Variants in SHBG observed in about 807,000 individuals in gnomAD.
SHBG encodes sex hormone-binding globulin.
In SHBG, 37 loss-of-function variants were observed where a neutral mutation model predicts 41.9. The ratio of observed to expected loss-of-function variants is 0.88; its 90% CI spans 0.68 to 1.16. The LOEUF (loss-of-function observed/expected upper bound fraction) is 1.16. Ranked by LOEUF, SHBG falls within the 50% of genes most tolerant of loss-of-function variation. SHBG has a pLI of 0.00. For missense variants in SHBG, 466 were observed against 499.9 expected, an observed-to-expected ratio of 0.93 and a Z score of 0.65; for synonymous variants, 217 against 205.8, an observed-to-expected ratio of 1.05 and a Z score of -0.47.
chr17:7,614,581 C>T, intron 1 of SHBG: 1 of 1,262,246 alleles, frequency 7.9e-7, no homozygotes, highest in Non-Finnish European at 1.0e-6. Context: ...CAGCAGCAGT[C>T]TGAGTGCGGG....
upstream of SHBG, chr17:7,627,762 G>A (rs758152648): frequency 2.8e-6 from 3 of 1,081,946 alleles, no homozygotes; most frequent in East Asian, 2.5e-5. This position sits in a 1 kb window ranked among gnomAD's most constrained non-coding sequence, Gnocchi z 4.8. Context: ...CGGGGGGGAC[G>A]GCGGGGTAGC....
In SHBG at chr17:7,631,894, A is replaced by T; in HGVS notation, c.731A>T (p.His244Leu). 3.7e-6 allele frequency: 6 copies of T among 1,614,098 alleles called. No individual in the cohort carries two copies. The highest frequency in any genetic ancestry group is 5.1e-6 in the Non-Finnish European group (6 of 1,180,036). The change falls in exon 6 of 8, where the codon CAT becomes CTT. Residue 244 changes from histidine (H) to leucine (L), a missense_variant. Transcript: ENST00000380450. Reference sequence around the variant, plus strand: ...CTCCCCACAGACATTCCCCAGCCTCATGCAGAGCCCTGGGCCTTCTCTTTG... The same window carrying T: ...CTCCCCACAGACATTCCCCAGCCTCTTGCAGAGCCCTGGGCCTTCTCTTTG... ...EFNLRDIPQP[H>L]AEPWAFSLDL... is the part of the protein sequence containing the mutation.
chr17:7,630,296 G>A lies in SHBG; in HGVS notation c.111+13G>A, dbSNP rs1421057328. 1.2e-6 allele frequency: 2 copies of A among 1,605,536 alleles called. No homozygotes were observed. Among genetic ancestry groups the A allele is most frequent in the Non-Finnish European group, 1.7e-6 (2 of 1,173,910 alleles). ...TCTCCCCACCCAGGTGCAGGAGCGG[G>A]ACAGGGCACTCAGCTCATGCAGTCT... On this transcript the variant is annotated intron_variant, in intron 1 of 7. Coordinates refer to ENST00000380450, the MANE Select transcript of SHBG (RefSeq NM_001040.5). This position sits in a 1 kb window ranked among gnomAD's most constrained non-coding sequence, Gnocchi z 4.6.
intron 1 of SHBG, among the ~76,000 whole-genome samples, chr17:7,618,876 G>C (rs1199132826): frequency 6.6e-6 from 1 of 152,114 alleles, no homozygotes. Context: ...TTTTGAGAAA[G>C]TTCTTCAAAA....
At chr17:7,620,081 AC>A (rs1296906793) in intron 1 of SHBG, among the ~76,000 whole-genome samples, 1 of 148,552 alleles carries the variant, frequency 6.7e-6, no homozygotes, top group Non-Finnish European at 1.5e-5. Flanking sequence ...ACAGAAAAAG[AC>A]CCTGTCTCTA....
chr17:7,627,201 G>A, upstream of SHBG: 9 of 1,614,114 alleles, frequency 5.6e-6, no homozygotes, highest in Non-Finnish European at 6.8e-6. The surrounding 1 kb of genome is among the most constrained non-coding windows in gnomAD (Gnocchi z 4.8). Context: ...AGAAAGGATT[G>A]TCTCCAAAGC....
rs1200491496 is a variant in SHBG at position 7,616,118 on chromosome 17, C to A, written c.-62+2007C>A. On this transcript the variant is annotated intron_variant, in intron 1 of 5. Coordinates refer to the SHBG transcript ENST00000570547. ...GGTCAGGAGATGGAGACCATTCTGG[C>A]CAACATGGTGAAACCTCGTCTCTAC... 2.0e-5 allele frequency among the ~76,000 whole-genome samples: 3 copies of A among 150,690 alleles called. No individual in the cohort carries two copies. The East Asian group carries it at 5.9e-4, about 29-fold the overall frequency.
At chr17:7,623,584 A>G (rs2072137379), upstream of SHBG, among the ~76,000 whole-genome samples, 1 of 152,106 alleles carries the variant, frequency 6.6e-6, no homozygotes, top group African/African-American at 2.4e-5. Context: ...TCAGCCCCCC[A>G]GTAGCTGGGA....
chr17:7,616,825 A>C (rs1343043248), intron 1 of SHBG, among the ~76,000 whole-genome samples: 3 of 152,106 alleles, frequency 2.0e-5, no homozygotes, highest in Non-Finnish European at 4.4e-5. Context: ...AAACCCAGCT[A>C]CTTGGGAGGC....
upstream of SHBG, among the ~76,000 whole-genome samples, chr17:7,623,652 G>C (rs1275051116): frequency 6.6e-6 from 1 of 152,030 alleles, no homozygotes; most frequent in East Asian, 1.9e-4. Flanking sequence ...CAGTGACCGG[G>C]TTTTGCCCTG....
upstream of SHBG, chr17:7,626,798 T>C: frequency 1.2e-6 from 2 of 1,613,992 alleles, no homozygotes; most frequent in Non-Finnish European, 1.7e-6. Flanking sequence ...CTTGACCTGT[T>C]GTGGAGAGAA....
At chr17:7,627,225 G>C (rs753902555), upstream of SHBG, 1 of 1,614,102 alleles carries the variant, frequency 6.2e-7, no homozygotes, top group Non-Finnish European at 8.5e-7. This position sits in a 1 kb window ranked among gnomAD's most constrained non-coding sequence, Gnocchi z 4.8. Context: ...CTGCTCTCAG[G>C]GCTGCCGAGA....
rs534199725 is a variant in SHBG at position 7,620,699 on chromosome 17, C to T, written c.-62+6588C>T. On this transcript the variant is annotated intron_variant, in intron 1 of 5. Transcript: ENST00000570547. ...AGGCTGGAGTGCAATGGTGCAATCT[C>T]GGCTCTCTACAACCTCTGCCTCCCA... Among the ~76,000 whole-genome samples the T allele has an allele frequency of 6.7e-4, 102 of 151,572 alleles. 1 individual carries two copies. Among genetic ancestry groups the T allele is most frequent in the African/African-American group, 2.2e-3 (92 of 41,302 alleles).
chr17:7,630,857 G>A lies in SHBG; in HGVS notation c.381G>A (p.Gly127=), dbSNP rs767864850. The A allele has an allele frequency of 8.7e-6, 14 of 1,613,016 alleles. No homozygotes were observed. Among genetic ancestry groups the A allele is most frequent in the African/African-American group, 1.3e-5 (1 of 74,886 alleles). The part of the protein sequence containing the change: ...TVGAGPRLDD[G]RWHQVEVKME... ...GTGCTGGACCACGGCTGGATGATGG[G>A]AGATGGCACCAGGTAAGCTAGCTCT... The change falls in exon 3 of 8, where the codon GGG becomes GGA. Residue 127 remains glycine (G), a synonymous_variant. Transcript: ENST00000380450. The surrounding 1 kb of genome is among the most constrained non-coding windows in gnomAD (Gnocchi z 4.6).
upstream of SHBG, chr17:7,626,777 G>A: frequency 6.2e-7 from 1 of 1,613,930 alleles, no homozygotes. Context: ...TGATTATTTT[G>A]GAACCAATCC....
At chr17:7,627,491 C>T (rs373626590), upstream of SHBG, 226 of 1,597,354 alleles carry the variant, frequency 1.4e-4, 1 homozygote, top group East Asian at 4.7e-3. The surrounding 1 kb of genome is among the most constrained non-coding windows in gnomAD (Gnocchi z 4.8). Flanking sequence ...AGGCGAGCCC[C>T]TCCCCCTGCC....
upstream of SHBG, chr17:7,627,934 T>TTC (rs1555574505): frequency 6.3e-4 from 329 of 518,900 alleles, 1 homozygote; most frequent in Non-Finnish European, 9.7e-4. The surrounding 1 kb of genome is among the most constrained non-coding windows in gnomAD (Gnocchi z 4.8). Flanking sequence ...CACGGCCGCG[T>TTC]CCCCCCCAAG....
In SHBG at chr17:7,630,668, G is replaced by A; in HGVS notation, c.204-12G>A. 1 of 1,612,720 alleles carries A rather than the reference G, an allele frequency of 6.2e-7. No homozygotes were observed. Among genetic ancestry groups the A allele is most frequent in the Non-Finnish European group, 8.5e-7 (1 of 1,179,070 alleles). ...CATGACATACACAATCTTTCCTTCT[G>A]TGTCCTTCCAGAACCTCCTCCTCCT... On this transcript the variant is annotated splice_polypyrimidine_tract_variant and intron_variant, in intron 2 of 7. Coordinates refer to ENST00000380450, the MANE Select transcript of SHBG (RefSeq NM_001040.5). The surrounding 1 kb of genome is among the most constrained non-coding windows in gnomAD (Gnocchi z 4.6).
intron 1 of SHBG, among the ~76,000 whole-genome samples, chr17:7,619,206 C>A (rs931672583): frequency 2.0e-5 from 3 of 151,812 alleles, no homozygotes; most frequent in African/African-American, 4.8e-5. Flanking sequence ...GCCTGACCAA[C>A]ATGGAGAAAC....
Sources: gnomAD v4.1 joint callset for allele counts (sites outside exome capture counted in the v4.1 genomes callset) on GRCh38, gnomAD v4.1.1 for gene constraint, Gnocchi (gnomAD v3.1) non-coding constraint, MANE v1.5 for transcripts, NCBI Gene and HGNC (gene_info 2026-07-23, HGNC 2026-07-21) for gene names.